The following KIAA0753 variants were observed in gnomAD, a reference collection of about 807,000 sequenced individuals.
KIAA0753 encodes KIAA0753.
Under a neutral mutation model 116.9 loss-of-function variants are expected in KIAA0753, and 114 were observed. The ratio of observed to expected loss-of-function variants is 0.98; its 90% CI spans 0.84 to 1.14. The LOEUF (loss-of-function observed/expected upper bound fraction) is 1.14, where lower values mean the gene tolerates loss of function less well. Ranked by LOEUF, KIAA0753 falls within the 50% of genes most tolerant of loss-of-function variation. The pLI is 0.00. For synonymous variants in KIAA0753, 405 were observed against 413.1 expected (o/e 0.98, Z 0.24); for missense variants, 1,156 against 1,172.4 (o/e 0.99, Z 0.20).
intron 18 of KIAA0753, among the ~76,000 whole-genome samples, chr17:6,581,802 G>A (rs1968199385): frequency 6.6e-6 from 1 of 152,162 alleles, no homozygotes; most frequent in South Asian, 2.1e-4. Context: ...GGTGCCTCTT[G>A]GGAACTCCTG....
chr17:6,610,122 A>C lies in KIAA0753; in HGVS notation c.1584T>G (p.Pro528=), dbSNP rs759769323. Residue 528 remains proline (P), a synonymous_variant, in exon 9 of 19, where the codon CCT becomes CCG. Transcript: ENST00000361413. ...RKAERGRQSQ[P]HSKSRVQQTT... ...TCTGCTGCACTCTGCTTTTACTGTGAGGTTGGCTTTGTCTACCTCTTTCAG... is the reference window on the plus strand; with the variant it reads ...TCTGCTGCACTCTGCTTTTACTGTGCGGTTGGCTTTGTCTACCTCTTTCAG... 8 of 1,614,070 alleles carry C rather than the reference A, an allele frequency of 5.0e-6. No individual in the cohort carries two copies. The highest frequency in any genetic ancestry group is 6.8e-6 in the Non-Finnish European group (8 of 1,180,004).
chr17:6,609,571 A>G (rs1970401554), intron 9 of KIAA0753, among the ~76,000 whole-genome samples: 1 of 152,242 alleles, frequency 6.6e-6, no homozygotes, highest in Non-Finnish European at 1.5e-5. Context: ...TTAGAGTTAG[A>G]ATTATTTTAA....
At chr17:6,603,556 C>T (rs1406615807) in intron 12 of KIAA0753, among the ~76,000 whole-genome samples, 1 of 152,150 alleles carries the variant, frequency 6.6e-6, no homozygotes, top group Non-Finnish European at 1.5e-5. Context: ...TTAATTACAA[C>T]TAAGAATCCT....
In KIAA0753 at chr17:6,629,872, T is replaced by C. The variant is rs915125027; in HGVS notation, c.94-1131A>G. Among the ~76,000 whole-genome samples the C allele has an allele frequency of 2.6e-5, 4 of 152,334 alleles. No homozygotes were observed. The South Asian group carries it at 8.3e-4, about 32-fold the overall frequency. The stretch of plus-strand genomic sequence containing the variant: ...AAACAAATAGGTACCATCTGAAAGA[T>C]ACACAGACTGATGAACGGTGTTTGT... On this transcript the variant is annotated intron_variant, in intron 2 of 18. Coordinates refer to ENST00000361413, the MANE Select transcript of KIAA0753 (RefSeq NM_014804.3).
chr17:6,616,094 T>G (rs1970909964), intron 7 of KIAA0753, among the ~76,000 whole-genome samples: 12 of 152,014 alleles, frequency 7.9e-5, no homozygotes, highest in Admixed American at 7.9e-4. Context: ...CCTTCTGAAA[T>G]CCAGATAAGG....
At chr17:6,630,137 T>A (rs1425143231) in intron 2 of KIAA0753, among the ~76,000 whole-genome samples, 3 of 151,092 alleles carry the variant, frequency 2.0e-5, no homozygotes, top group Non-Finnish European at 4.4e-5. Flanking sequence ...TAATAATAAT[T>A]ATAATAATAA....
In KIAA0753 at chr17:6,635,060, G is replaced by A. The variant is rs1173054072; in HGVS notation, c.44C>T (p.Pro15Leu). The change falls in exon 2 of 19, where the codon CCT (proline) becomes CTT (leucine). Residue 15 changes from proline (P) to leucine (L), a missense_variant. Coordinates refer to ENST00000361413, the MANE Select transcript of KIAA0753 (RefSeq NM_014804.3). The part of the protein sequence containing the change: ...QPASTCVHLA[P>L]RTQLDGRSDP... Reference sequence around the variant, plus strand: ...GCTCCTCCCATCAAGTTGGGTCCTAGGTGCTAGATGAACACAGGTTGAAGC... The same window carrying A: ...GCTCCTCCCATCAAGTTGGGTCCTAAGTGCTAGATGAACACAGGTTGAAGC... The A allele has an allele frequency of 3.1e-6, 5 of 1,613,874 alleles. No individual in the cohort carries two copies. The East Asian group carries it at 1.1e-4, about 36-fold the overall frequency.
chr17:6,620,763 A>T, intron 7 of KIAA0753, 25 bp downstream of exon 7: 1 of 1,606,622 alleles, frequency 6.2e-7, no homozygotes, highest in African/African-American at 1.3e-5. Context: ...AAAATGTCTT[A>T]CAATAAACAC....
At chr17:6,581,019 A>C (rs4796338) in intron 18 of KIAA0753, among the ~76,000 whole-genome samples, 43,195 of 152,122 alleles carry the variant, frequency 0.28, 7,426 homozygotes, top group Admixed American at 0.38. Context: ...GTACAATTAT[A>C]ACAATTATAA....
rs1972513525 is a variant in KIAA0753, at chr17:6,639,286, CCTCTCCCCCACAGACCTGCAGCACCG to C, written c.-69+1325_-69+1350del. 1 of 152,360 alleles carries C rather than the reference CCTCTCCCCCACAGACCTGCAGCACCG, an allele frequency of 6.6e-6. No homozygotes were observed. The highest frequency in any genetic ancestry group is 6.6e-5 in the Admixed American group (1 of 15,250). 9.4% of individuals were successfully genotyped at this position (152,360 alleles called of 1,614,324 possible). ...AGCCCCAGGAATCTGCGGGGACTGT[CCTCTCCCCCACAGACCTGCAGCACCG>C]CCACAGCCGAGCTCTCCCTCCATGG... On this transcript the variant is annotated intron_variant, in intron 1 of 18. Transcript: ENST00000361413. This position sits in a 1 kb window ranked among gnomAD's most constrained non-coding sequence, Gnocchi z 4.3.
intron 3 of KIAA0753, among the ~76,000 whole-genome samples, chr17:6,625,492 C>T (rs988731475): frequency 6.6e-6 from 1 of 151,910 alleles, no homozygotes; most frequent in African/African-American, 2.4e-5. Flanking sequence ...CATGGCAAAA[C>T]CCTGTCTCTA....
rs755146747 is a variant in KIAA0753, at chr17:6,624,767, G to T, written c.813C>A (p.Val271=). Reference sequence around the variant, plus strand: ...GAACTTTTCACACCTGCTGCTGGAGGACGTAGAGCATTCGGGCAGAGCGAG... The same window carrying T: ...GAACTTTTCACACCTGCTGCTGGAGTACGTAGAGCATTCGGGCAGAGCGAG... ...QAARSARMLY[V]LQQQVKEIQE... is the part of the protein sequence containing the mutation. Residue 271 remains valine, a synonymous_variant, in exon 4 of 19, where the codon GTC becomes GTA. Coordinates refer to ENST00000361413, the MANE Select transcript of KIAA0753 (RefSeq NM_014804.3). 1.3e-6 allele frequency: 2 copies of T among 1,558,350 alleles called. No homozygotes were observed. The highest frequency in any genetic ancestry group is 2.7e-5 in the African/African-American group (2 of 73,814).
Position 6,628,244 on chromosome 17 carries a change from T to C in KIAA0753, c.591A>G (p.Gly197=). 6.2e-7 allele frequency: 1 copy of C among 1,614,136 alleles called. No homozygotes were observed. Among genetic ancestry groups the C allele is most frequent in the South Asian group, 1.1e-5 (1 of 91,080 alleles). Residue 197 remains glycine (G), a synonymous_variant, in exon 3 of 19, where the codon GGA becomes GGG. Coordinates refer to ENST00000361413, the MANE Select transcript of KIAA0753 (RefSeq NM_014804.3). ...CACCTATCCTGGGATGAGGCTGAAG[T>C]CCCGGATCATGGGTGGGTGGCGAAT... The part of the protein sequence containing the change: ...VPNSPPTHDP[G]LQPHPRIGDH...
In KIAA0753 at chr17:6,599,306, A is replaced by G. The variant is rs1969691870; in HGVS notation, c.2103T>C (p.Thr701=). ...LLVKAQRVNS[T]TEANIHLKDG... is the part of the protein sequence containing the mutation. ...CTTTCAAATGAATATTTGCTTCTGT[A>G]GTAGAATTGACTCTCTATTAAAACA... The change falls in exon 14 of 19, where the codon ACT becomes ACC. Residue 701 remains threonine (T), a synonymous_variant. Transcript: ENST00000361413. The G allele has an allele frequency of 1.2e-6, 2 of 1,612,132 alleles. No individual in the cohort carries two copies. The highest frequency in any genetic ancestry group is 4.5e-5 in the East Asian group (2 of 44,862).
intron 3 of KIAA0753, among the ~76,000 whole-genome samples, chr17:6,627,408 A>G (rs1176105836): frequency 6.6e-6 from 1 of 152,238 alleles, no homozygotes; most frequent in East Asian, 1.9e-4. Context: ...ATAATTCTAG[A>G]CTATGTACTA....
At chr17:6,614,955 C>T (rs868708394) in intron 7 of KIAA0753, among the ~76,000 whole-genome samples, 1 of 152,152 alleles carries the variant, frequency 6.6e-6, no homozygotes, top group African/African-American at 2.4e-5. Context: ...TGTGCCACCA[C>T]GCCCAGCTAA....
At chr17:6,581,262 A>G (rs1363322621) in intron 18 of KIAA0753, among the ~76,000 whole-genome samples, 1 of 151,972 alleles carries the variant, frequency 6.6e-6, no homozygotes, top group Non-Finnish European at 1.5e-5. Context: ...TTTTTAAAGA[A>G]TAAAAGCCTT....
intron 12 of KIAA0753, among the ~76,000 whole-genome samples, chr17:6,601,522 G>C (rs1969872071): frequency 6.6e-6 from 1 of 152,224 alleles, no homozygotes; most frequent in South Asian, 2.1e-4. Context: ...CCAAAGGAAA[G>C]ACCTAAAGAC....
intron 18 of KIAA0753, among the ~76,000 whole-genome samples, chr17:6,589,235 G>C (rs1325374481): frequency 6.6e-6 from 1 of 152,164 alleles, no homozygotes; most frequent in Non-Finnish European, 1.5e-5. Context: ...AATGGGATCA[G>C]TGCCCTTCTG....
Sources: gnomAD v4.1 joint callset for allele counts (sites outside exome capture counted in the v4.1 genomes callset) on GRCh38, gnomAD v4.1.1 for gene constraint, Gnocchi (gnomAD v3.1) non-coding constraint, MANE v1.5 for transcripts, NCBI Gene and HGNC (gene_info 2026-07-23, HGNC 2026-07-21) for gene names.